The following MAD1L1 variants were observed in gnomAD, a reference collection of about 807,000 sequenced individuals.
MAD1L1 encodes the protein mitotic arrest deficient 1 like 1.
In MAD1L1, 95 loss-of-function variants were observed where a neutral mutation model predicts 96.9. That is an observed-to-expected ratio of 0.98 (90% CI 0.83 to 1.16). The LOEUF is 1.16. MAD1L1 is among the 50% of genes most tolerant of loss of function. The pLI is 0.00. For missense variants in MAD1L1, 1,007 were observed against 954.4 expected (o/e 1.06, Z -0.73); for synonymous variants, 473 against 396.6 (o/e 1.19, Z -2.29).
intron 11 of MAD1L1, among the ~76,000 whole-genome samples, chr7:2,096,760 G>T (rs1786511392): frequency 6.6e-6 from 1 of 152,126 alleles, no homozygotes; most frequent in Admixed American, 6.5e-5. Context: ...AGACATAAGG[G>T]AGGGGGCAGG....
At chr7:1,937,561 C>T (rs993459801) in intron 16 of MAD1L1, among the ~76,000 whole-genome samples, 25 of 152,134 alleles carry the variant, frequency 1.6e-4, no homozygotes, top group Admixed American at 6.5e-4. Context: ...CAGGGACAGC[C>T]CCCCACAGCA....
intron 12 of MAD1L1, among the ~76,000 whole-genome samples, chr7:2,062,531 C>T (rs955455701): frequency 6.6e-6 from 1 of 151,894 alleles, no homozygotes; most frequent in African/African-American, 2.4e-5. Flanking sequence ...GCCGAGATCA[C>T]GCGACTGCAC....
At chr7:2,035,216 G>A (rs1282814345) in intron 12 of MAD1L1, among the ~76,000 whole-genome samples, 1 of 152,278 alleles carries the variant, frequency 6.6e-6, no homozygotes, top group African/African-American at 2.4e-5. Context: ...AGGACACGCT[G>A]AGAAATGTAA....
intron 10 of MAD1L1, among the ~76,000 whole-genome samples, chr7:2,184,197 A>G (rs1418700259): frequency 6.6e-6 from 1 of 152,086 alleles, no homozygotes; most frequent in Non-Finnish European, 1.5e-5. Flanking sequence ...GCTTGCAGTG[A>G]GTGGAGATCG....
intron 11 of MAD1L1, among the ~76,000 whole-genome samples, chr7:2,136,338 G>A (rs1477966093): frequency 6.6e-6 from 1 of 152,242 alleles, no homozygotes; most frequent in Non-Finnish European, 1.5e-5. Context: ...ACTCCAGGCT[G>A]AGTGGCTCCA....
At chr7:1,889,514 G>C (rs569102651) in intron 18 of MAD1L1, among the ~76,000 whole-genome samples, 7 of 152,196 alleles carry the variant, frequency 4.6e-5, no homozygotes, top group African/African-American at 1.7e-4. Context: ...GAGGCTTGTC[G>C]GGGCCAGGCC....
chr7:1,981,814 G>A (rs1780920967), intron 14 of MAD1L1, among the ~76,000 whole-genome samples: 1 of 152,230 alleles, frequency 6.6e-6, no homozygotes, highest in African/African-American at 2.4e-5. Context: ...GGGGTGCACA[G>A]TGTGCAACAG....
intron 16 of MAD1L1, among the ~76,000 whole-genome samples, chr7:1,947,952 G>T (rs987091924): frequency 6.6e-6 from 1 of 152,228 alleles, no homozygotes; most frequent in Admixed American, 6.5e-5. Context: ...GCCTGAAGCA[G>T]ACAGAGAAAC....
rs145814507 is a variant in MAD1L1, at chr7:1,859,710, G to A, written c.1998+38490C>T. Among the ~76,000 whole-genome samples, 650 of 152,290 alleles carry A rather than the reference G, an allele frequency of 4.3e-3. 6 individuals are homozygous for A. Among genetic ancestry groups the A allele is most frequent in the African/African-American group, 0.015 (616 of 41,566 alleles). ...TCTCCGTAGACCTGACACCCTGCAG[G>A]GCTCCCTCTGTTCCCTAGACGTGAC... is the stretch of plus-strand genomic sequence containing the variant. On this transcript the variant is annotated intron_variant, in intron 18 of 18. Coordinates refer to ENST00000265854, the MANE Select transcript of MAD1L1 (RefSeq NM_001013836.2).
intron 9 of MAD1L1, among the ~76,000 whole-genome samples, chr7:2,214,589 T>G (rs183462473): frequency 1.3e-5 from 2 of 151,590 alleles, no homozygotes; most frequent in Non-Finnish European, 2.9e-5. Flanking sequence ...AAAGGCGGCA[T>G]AGGTGTGCCA....
chr7:2,146,324 A>C lies in MAD1L1; in HGVS notation c.1073+2828T>G. ...CACCGGGCACTGGGCTACGAGGAACAGGGCACCGCCTCGAAGAGGGAGCAC... is the reference window on the plus strand; with the variant it reads ...CACCGGGCACTGGGCTACGAGGAACCGGGCACCGCCTCGAAGAGGGAGCAC... On this transcript the variant is annotated intron_variant, in intron 11 of 18. Transcript: ENST00000265854. The surrounding 1 kb of genome is among the most constrained non-coding windows in gnomAD (Gnocchi z 6.2). Among the ~76,000 whole-genome samples, 1 of 151,454 alleles carries C rather than the reference A, an allele frequency of 6.6e-6. No homozygotes were observed. The highest frequency in any genetic ancestry group is 2.4e-5 in the African/African-American group (1 of 41,192).
chr7:1,954,948 C>T (rs1445727620), intron 16 of MAD1L1, among the ~76,000 whole-genome samples: 1 of 152,130 alleles, frequency 6.6e-6, no homozygotes, highest in Non-Finnish European at 1.5e-5. Flanking sequence ...GCTCTGGGCT[C>T]TTAGGGAGAC....
intron 18 of MAD1L1, among the ~76,000 whole-genome samples, chr7:1,867,948 A>C (rs2128652853): frequency 6.6e-6 from 1 of 152,316 alleles, no homozygotes; most frequent in African/African-American, 2.4e-5. Context: ...GTCTTCCCTA[A>C]TACGGGGCGA....
At chr7:2,052,428 GC>G (rs1475756815) in intron 12 of MAD1L1, among the ~76,000 whole-genome samples, 1 of 149,868 alleles carries the variant, frequency 6.7e-6, no homozygotes, top group East Asian at 1.9e-4. Flanking sequence ...GCTCACTAGG[GC>G]CCAGGCACAG....
chr7:1,826,457 G>A (rs1782399125), intron 18 of MAD1L1, among the ~76,000 whole-genome samples: 1 of 152,140 alleles, frequency 6.6e-6, no homozygotes. Flanking sequence ...CCCTGCACAA[G>A]CCCTCCAGCT....
chr7:1,906,605 C>T (rs539658068), intron 17 of MAD1L1, among the ~76,000 whole-genome samples: 27 of 152,382 alleles, frequency 1.8e-4, no homozygotes, highest in African/African-American at 6.5e-4. Flanking sequence ...GCCTGGGCCT[C>T]ACGCTCTTTC....
intron 4 of MAD1L1, among the ~76,000 whole-genome samples, chr7:2,224,721 G>A (rs1793791588): frequency 6.6e-6 from 1 of 152,196 alleles, no homozygotes; most frequent in African/African-American, 2.4e-5. Flanking sequence ...AGCACTGACT[G>A]AAACCCTGGC....
At chr7:2,056,249 A>C (rs1784383796) in intron 12 of MAD1L1, among the ~76,000 whole-genome samples, 1 of 152,300 alleles carries the variant, frequency 6.6e-6, no homozygotes, top group South Asian at 2.1e-4. Flanking sequence ...CTAAGACCAA[A>C]AATTTTCAGT....
chr7:2,111,681 A>G (rs79960795), intron 11 of MAD1L1, among the ~76,000 whole-genome samples: 1,625 of 152,342 alleles, frequency 0.011, 22 homozygotes, highest in African/African-American at 0.037. Context: ...TGGGGCCAGC[A>G]GCCGCACGCT....
Sources: gnomAD v4.1 joint callset for allele counts (sites outside exome capture counted in the v4.1 genomes callset) on GRCh38, gnomAD v4.1.1 for gene constraint, Gnocchi (gnomAD v3.1) non-coding constraint, MANE v1.5 for transcripts, NCBI Gene and HGNC (gene_info 2026-07-23, HGNC 2026-07-21) for gene names.